Variants in SATB2 observed in about 807,000 individuals in gnomAD.
The protein encoded by SATB2 is DNA-binding protein SATB2.
In SATB2, 1 loss-of-function variant was observed where a neutral mutation model predicts 73.4. That is an observed-to-expected ratio of 0.01 (90% CI 0.00 to 0.06). The LOEUF is 0.06. SATB2 is among the 10% of genes least tolerant of loss of function. The pLI, the probability that SATB2 is intolerant of heterozygous loss-of-function variation, is 1.00. For synonymous variants in SATB2, 397 were observed against 367.0 expected, an observed-to-expected ratio of 1.08 and a Z score of -0.93; for missense variants, 459 against 945.8, an observed-to-expected ratio of 0.49 and a Z score of 6.75.
chr2:199,450,796 T>G lies in SATB2; in HGVS notation c.169+5073A>C, dbSNP rs532232728. 6.5e-4 allele frequency among the ~76,000 whole-genome samples: 99 copies of G among 152,212 alleles called. No homozygotes were observed. The South Asian group carries it at 0.02, about 31-fold the overall frequency. ...CATCAAACTTCACTGCTTACTACTT[T>G]GTCAGATATACCAAATAATTACTGT... On this transcript the variant is annotated intron_variant, in intron 2 of 10. Transcript: ENST00000417098.
intron 7 of SATB2, chr2:199,329,428 CA>C (rs5837677): frequency 0.88 from 110,634 of 126,230 alleles, 49,369 homozygotes; most frequent in Non-Finnish European, 0.96. Flanking sequence ...ATTTCTTATG[CA>C]AAAAAAAAAA....
At chr2:199,414,571 G>T (rs1349170749) in intron 3 of SATB2, among the ~76,000 whole-genome samples, 1 of 152,152 alleles carries the variant, frequency 6.6e-6, no homozygotes, top group East Asian at 1.9e-4. Flanking sequence ...GAGGGAGCTT[G>T]TGTGACAGCA....
chr2:199,452,626 G>A (rs1453962047), intron 2 of SATB2, among the ~76,000 whole-genome samples: 1 of 152,046 alleles, frequency 6.6e-6, no homozygotes, highest in Non-Finnish European at 1.5e-5. Context: ...AAATCCTTAT[G>A]GAGTGAATTA....
chr2:199,298,578 G>T (rs1426170457), intron 10 of SATB2, among the ~76,000 whole-genome samples: 1 of 151,488 alleles, frequency 6.6e-6, no homozygotes, highest in Non-Finnish European at 1.5e-5. Context: ...TTTGTAGATC[G>T]AGTTTGTTAA....
At chr2:199,275,387 T>C (rs1187710298) in intron 10 of SATB2, among the ~76,000 whole-genome samples, 1 of 152,158 alleles carries the variant, frequency 6.6e-6, no homozygotes, top group African/African-American at 2.4e-5. Flanking sequence ...TAAGAATAGC[T>C]ACCCCTCACT....
chr2:199,383,469 C>T (rs1689837365), intron 3 of SATB2, among the ~76,000 whole-genome samples: 1 of 152,110 alleles, frequency 6.6e-6, no homozygotes, highest in Non-Finnish European at 1.5e-5. Context: ...TAACATATTT[C>T]CTTTTTAAAA....
At chr2:199,290,229 T>G (rs1692815479) in intron 10 of SATB2, among the ~76,000 whole-genome samples, 1 of 152,378 alleles carries the variant, frequency 6.6e-6, no homozygotes, top group African/African-American at 2.4e-5. Flanking sequence ...GTTCTCCAAC[T>G]CACCAGGTTT....
chr2:199,454,679 A>T (rs986796301), intron 2 of SATB2, among the ~76,000 whole-genome samples: 2 of 152,222 alleles, frequency 1.3e-5, no homozygotes, highest in Non-Finnish European at 2.9e-5. Context: ...ACTGAGACAA[A>T]CCATCCTAAG....
At chr2:199,391,125 A>AT (rs753121334) in intron 3 of SATB2, among the ~76,000 whole-genome samples, 52 of 152,276 alleles carry the variant, frequency 3.4e-4, no homozygotes, top group Non-Finnish European at 6.3e-4. Context: ...TGGTTTGAAG[A>AT]TTTTGGGTTT....
chr2:199,323,535 G>T lies in SATB2; in HGVS notation c.1542+268C>A, dbSNP rs375990289. On this transcript the variant is annotated intron_variant, in intron 9 of 10. Coordinates refer to ENST00000417098, the MANE Select transcript of SATB2 (RefSeq NM_001172509.2). ...TATATAAAGGGAGAGAAACAAAAGG[G>T]TACATTGCAGTGTTTAGAATAAGGA... Among the ~76,000 whole-genome samples the T allele has an allele frequency of 1.2e-3, 185 of 148,940 alleles. 3 individuals carry two copies. The highest frequency in any genetic ancestry group is 4.2e-3 in the African/African-American group (169 of 40,580).
upstream of SATB2, chr2:199,458,046 T>C: frequency 6.9e-6 from 1 of 145,430 alleles, no homozygotes; most frequent in Non-Finnish European, 1.5e-5. Context: ...TTCCGATTTC[T>C]CCCCCTCCCC....
At chr2:199,293,834 T>C (rs549602128) in intron 10 of SATB2, among the ~76,000 whole-genome samples, 5 of 152,054 alleles carry the variant, frequency 3.3e-5, no homozygotes, top group East Asian at 1.9e-4. Context: ...AGCCTGTCTT[T>C]AGCTTTTAAT....
chr2:199,336,776 C>A (rs191043189), intron 7 of SATB2, among the ~76,000 whole-genome samples: 1 of 152,280 alleles, frequency 6.6e-6, no homozygotes, highest in East Asian at 1.9e-4. Flanking sequence ...TCATCTTCCA[C>A]TCTGTGGTAG....
At position 199,433,479 on chromosome 2, in the gene SATB2, A is replaced by T. The variant is rs745323861; in HGVS notation, c.205T>A (p.Leu69Met). The change falls in exon 3 of 11, where the codon TTG becomes ATG. Residue 69 changes from leucine to methionine, a missense_variant. Physicochemically the swap from Leu to Met is conservative, Grantham distance 15. Around this residue, in one of 13 missense-constraint regions of SATB2, gnomAD observed 74 missense variants for 113.3 expected, o/e 0.65. Transcript: ENST00000417098. ...MIPVFCVVEQ[L>M]DGSLEYDNRE... ...TTGTCATATTCAAGAGAGCCGTCCAACTGCTCCACGACACAAAAGACAGGA... is the reference window on the plus strand; with the variant it reads ...TTGTCATATTCAAGAGAGCCGTCCATCTGCTCCACGACACAAAAGACAGGA... 6.2e-7 allele frequency: 1 copy of T among 1,614,204 alleles called. No homozygotes were observed. The highest frequency in any genetic ancestry group is 8.5e-7 in the Non-Finnish European group (1 of 1,180,018).
chr2:199,349,185 T>C lies in SATB2; in HGVS notation c.701-12A>G, dbSNP rs116585116. On this transcript the variant is annotated splice_polypyrimidine_tract_variant and intron_variant, in intron 6 of 10. Transcript: ENST00000417098. ...TTCCACTCTTTCCACTGTTAAGAGA[T>C]AAAAGTGATAATTAATCATTATTTT... The C allele has an allele frequency of 1.9e-6, 3 of 1,564,380 alleles. No individual in the cohort carries two copies. Among genetic ancestry groups the C allele is most frequent in the East Asian group, 4.5e-5 (2 of 44,372 alleles).
At chr2:199,279,742 T>C (rs1692424879) in intron 10 of SATB2, among the ~76,000 whole-genome samples, 1 of 152,216 alleles carries the variant, frequency 6.6e-6, no homozygotes, top group Non-Finnish European at 1.5e-5. Context: ...TGGGTTAATA[T>C]TAGAATTATT....
intron 2 of SATB2, among the ~76,000 whole-genome samples, chr2:199,454,731 GA>G (rs940288743): frequency 2.0e-5 from 3 of 151,774 alleles, no homozygotes; most frequent in Non-Finnish European, 4.4e-5. Context: ...TAAGTAAAAA[GA>G]AAAAAATACG....
chr2:199,363,983 C>T (rs1393248598), intron 6 of SATB2, among the ~76,000 whole-genome samples: 2 of 152,108 alleles, frequency 1.3e-5, no homozygotes, highest in Non-Finnish European at 2.9e-5. Context: ...GTTACTTTTA[C>T]CTCATCAGAG....
chr2:199,375,324 ACAT>A (rs1689568338), intron 5 of SATB2, among the ~76,000 whole-genome samples: 1 of 152,222 alleles, frequency 6.6e-6, no homozygotes. Context: ...ACTCACAGAG[ACAT>A]CAGAGGAAAA....
Sources: gnomAD v4.1 joint callset for allele counts (sites outside exome capture counted in the v4.1 genomes callset) on GRCh38, gnomAD v4.1.1 for gene constraint, gnomAD v4.1.1 regional missense constraint, MANE v1.5 for transcripts, NCBI Gene and HGNC (gene_info 2026-07-23, HGNC 2026-07-21) for gene names.